The following CAMK4 variants were observed in gnomAD, a reference collection of about 807,000 sequenced individuals.
The protein encoded by CAMK4 is calcium/calmodulin dependent protein kinase IV.
Under a neutral mutation model 44.9 loss-of-function variants are expected in CAMK4, and 22 were observed. The ratio of observed to expected loss-of-function variants is 0.49; its 90% CI spans 0.35 to 0.70. The LOEUF (loss-of-function observed/expected upper bound fraction) is 0.70. Among genes scored for constraint, CAMK4 ranks in the 30% least tolerant of loss-of-function variants. The pLI is 0.01. For synonymous variants in CAMK4, 218 were observed against 215.4 expected, an observed-to-expected ratio of 1.01 and a Z score of -0.11; for missense variants, 498 against 586.8, an observed-to-expected ratio of 0.85 and a Z score of 1.56.
chr5:111,430,614 G>C (rs770608494), intron 5 of CAMK4, among the ~76,000 whole-genome samples: 1 of 152,114 alleles, frequency 6.6e-6, no homozygotes, highest in Non-Finnish European at 1.5e-5. Context: ...AAAGTCACAG[G>C]ATACAAAATC....
At chr5:111,475,117 C>T (rs535495526) in intron 8 of CAMK4, among the ~76,000 whole-genome samples, 1 of 152,218 alleles carries the variant, frequency 6.6e-6, no homozygotes, top group South Asian at 2.1e-4. Context: ...GAGCTGAGAT[C>T]TTGCCACTGC....
intron 1 of CAMK4, among the ~76,000 whole-genome samples, chr5:111,293,693 G>T (rs1747368780): frequency 6.8e-6 from 1 of 147,308 alleles, no homozygotes; most frequent in Non-Finnish European, 1.5e-5. Flanking sequence ...CCAAAGTGCT[G>T]TGATTATGTG....
rs775697598 is a variant in CAMK4, at chr5:111,482,781, T to G, written c.829-4T>G. 8 of 1,603,028 alleles carry G rather than the reference T, an allele frequency of 5.0e-6. No individual in the cohort carries two copies. The highest frequency in any genetic ancestry group is 6.8e-6 in the Non-Finnish European group (8 of 1,176,718). The stretch of plus-strand genomic sequence containing the variant: ...GCTAAGTTTATGGTTCTTTATTATT[T>G]CAGGTCAGAAAATTAATTGTTTTGG... On this transcript the variant is annotated splice_region_variant and splice_polypyrimidine_tract_variant and intron_variant, in intron 9 of 10. Transcript: ENST00000282356. The surrounding 1 kb of genome is among the most constrained non-coding windows in gnomAD (Gnocchi z 4.9).
At chr5:111,348,875 C>T (rs1015240670) in intron 2 of CAMK4, among the ~76,000 whole-genome samples, 2 of 152,006 alleles carry the variant, frequency 1.3e-5, no homozygotes, top group Admixed American at 6.6e-5. Flanking sequence ...CTTGCACTCT[C>T]TAAATGTTAT....
intron 7 of CAMK4, among the ~76,000 whole-genome samples, chr5:111,461,813 TAAA>T (rs3066731): frequency 6.9e-4 from 48 of 69,170 alleles, no homozygotes; most frequent in African/African-American, 2.1e-3. Flanking sequence ...GCCTCTATAG[TAAA>T]AAAAAAAAAA....
intron 2 of CAMK4, among the ~76,000 whole-genome samples, chr5:111,353,141 TA>T (rs1336122701): frequency 6.6e-6 from 1 of 152,108 alleles, no homozygotes; most frequent in African/African-American, 2.4e-5. Context: ...GAAATGGTAA[TA>T]ACTACAATAT....
intron 5 of CAMK4, among the ~76,000 whole-genome samples, chr5:111,405,205 C>T (rs1340402579): frequency 6.6e-6 from 1 of 152,196 alleles, no homozygotes; most frequent in Admixed American, 6.5e-5. Flanking sequence ...TGTGGTGGCT[C>T]ACGCCTGTAA....
intron 5 of CAMK4, among the ~76,000 whole-genome samples, chr5:111,403,169 C>T (rs1233234775): frequency 6.6e-6 from 1 of 152,180 alleles, no homozygotes; most frequent in African/African-American, 2.4e-5. Flanking sequence ...CATACACCCA[C>T]ATATTGCTAA....
At chr5:111,429,916 C>G (rs1400546764) in intron 5 of CAMK4, among the ~76,000 whole-genome samples, 2 of 90,516 alleles carry the variant, frequency 2.2e-5, no homozygotes, top group Non-Finnish European at 4.7e-5. Context: ...TCAAACTATT[C>G]CAAAAAAAAA....
intron 2 of CAMK4, among the ~76,000 whole-genome samples, chr5:111,357,770 G>A (rs1750427319): frequency 1.3e-5 from 2 of 152,058 alleles, no homozygotes; most frequent in Admixed American, 6.6e-5. Context: ...GGAGCATAAT[G>A]CTAATAAGAA....
At chr5:111,468,845 G>A (rs1216725873) in intron 7 of CAMK4, among the ~76,000 whole-genome samples, 2 of 151,962 alleles carry the variant, frequency 1.3e-5, no homozygotes, top group African/African-American at 4.8e-5. Flanking sequence ...GGGTGTGGTG[G>A]CACCTGCCTG....
At position 111,352,876 on chromosome 5, in the gene CAMK4, C is replaced by G. The variant is rs114750773; in HGVS notation, c.240+8774C>G. On this transcript the variant is annotated intron_variant, in intron 2 of 10. Coordinates refer to ENST00000282356, the MANE Select transcript of CAMK4 (RefSeq NM_001744.6). ...TCCAATACATGAACTTTGGGGAACA[C>G]AGACAAACCATACCACTACTAACTA... Among the ~76,000 whole-genome samples, 817 of 152,146 alleles carry G rather than the reference C, an allele frequency of 5.4e-3. 8 individuals carry two copies. The highest frequency in any genetic ancestry group is 0.019 in the African/African-American group (790 of 41,512).
At chr5:111,467,791 T>C (rs1754896368) in intron 7 of CAMK4, among the ~76,000 whole-genome samples, 1 of 152,196 alleles carries the variant, frequency 6.6e-6, no homozygotes, top group Admixed American at 6.5e-5. Context: ...GAAAACAGTG[T>C]GGAGATTCCT....
At chr5:111,324,325 C>A (rs1410829072) in intron 1 of CAMK4, among the ~76,000 whole-genome samples, 1 of 151,448 alleles carries the variant, frequency 6.6e-6, no homozygotes. Context: ...AATATAAAGA[C>A]AAATAGAATG....
chr5:111,373,529 T>C (rs1279425608), intron 2 of CAMK4, among the ~76,000 whole-genome samples: 1 of 152,172 alleles, frequency 6.6e-6, no homozygotes, highest in African/African-American at 2.4e-5. Context: ...TGGTTACTGT[T>C]TTCATTAAAG....
chr5:111,383,639 G>C (rs1042949352), intron 4 of CAMK4, among the ~76,000 whole-genome samples: 2 of 89,356 alleles, frequency 2.2e-5, no homozygotes, highest in South Asian at 7.1e-4. Flanking sequence ...TTTTTTTTTT[G>C]TATTTTTAGT....
chr5:111,295,704 C>A (rs185670859), intron 1 of CAMK4, among the ~76,000 whole-genome samples: 10 of 152,314 alleles, frequency 6.6e-5, no homozygotes, highest in Admixed American at 1.3e-4. Flanking sequence ...TAGAGGAAAT[C>A]TGCAATATTC....
intron 5 of CAMK4, among the ~76,000 whole-genome samples, chr5:111,441,196 G>A (rs1305684954): frequency 1.3e-5 from 2 of 152,256 alleles, no homozygotes; most frequent in African/African-American, 2.4e-5. Context: ...GATCAAGACT[G>A]AGGGCAAGAT....
At chr5:111,464,813 T>C (rs967120517) in intron 7 of CAMK4, among the ~76,000 whole-genome samples, 4 of 152,228 alleles carry the variant, frequency 2.6e-5, no homozygotes, top group East Asian at 1.9e-4. Context: ...TTAGTTTACA[T>C]GTATAGAATA....
Sources: allele counts gnomAD v4.1 joint callset (sites outside exome capture counted in the v4.1 genomes callset), GRCh38; gene constraint gnomAD v4.1.1; non-coding constraint Gnocchi (gnomAD v3.1); transcripts MANE v1.5; gene names NCBI Gene and HGNC (gene_info 2026-07-23, HGNC 2026-07-21).